HMGN1: variants seen among roughly 807,000 people sequenced by gnomAD.
HMGN1 encodes non-histone chromosomal protein HMG-14.
A neutral mutation model predicts 18.4 loss-of-function variants in HMGN1; 9 were observed. That is an observed-to-expected ratio of 0.49 (90% CI 0.29 to 0.85). HMGN1 has a LOEUF of 0.85. HMGN1 is among the 40% of genes least tolerant of loss of function. The pLI is 0.07. For synonymous variants in HMGN1, 59 were observed against 45.0 expected, an observed-to-expected ratio of 1.31 and a Z score of -1.24; for missense variants, 151 against 119.2, an observed-to-expected ratio of 1.27 and a Z score of -1.24.
intron 4 of HMGN1, chr21:39,345,645 G>A (rs1168468100): frequency 6.6e-5 from 26 of 396,328 alleles, no homozygotes; most frequent in South Asian, 1.6e-4. Flanking sequence ...CCTAAAGCCC[G>A]AGCTATATTT....
intron 4 of HMGN1, chr21:39,348,057 A>T: frequency 2.0e-6 from 2 of 1,019,642 alleles, no homozygotes; most frequent in Non-Finnish European, 2.7e-6. Flanking sequence ...TTAATATTTA[A>T]TATTTTTTGT....
At chr21:39,347,631 C>A in intron 4 of HMGN1, 1 of 353,796 alleles carries the variant, frequency 2.8e-6, no homozygotes, top group Non-Finnish European at 5.6e-6. Context: ...AAACACAAAG[C>A]TTATACTTGT....
In HMGN1 at chr21:39,348,365, G is replaced by A. The variant is rs763790967; in HGVS notation, c.79-26C>T. On this transcript the variant is annotated intron_variant, in intron 3 of 5. Transcript: ENST00000380749. ...CTGAAAGGCAAAAGCAGCACTGAGC[G>A]TCCTCACCCGGGACGACCCGCGGAA... 20 of 1,614,056 alleles carry A rather than the reference G, an allele frequency of 1.2e-5. No homozygotes were observed. In the East Asian group the frequency reaches 1.6e-4, roughly 13 times the overall value.
At position 39,342,802 on chromosome 21, in the gene HMGN1, T is replaced by C. The variant is rs1258441815; in HGVS notation, c.*310A>G. 23 of 1,350,006 alleles carry C rather than the reference T, an allele frequency of 1.7e-5. No individual in the cohort carries two copies. Among genetic ancestry groups the C allele is most frequent in the Non-Finnish European group, 1.6e-5 (16 of 1,024,650 alleles). 83.6% of individuals were successfully genotyped at this position (1,350,006 alleles called of 1,614,324 possible). ...TTGCCATTTAATATGCTTTGTATTA[T>C]AGGATATAAAAACTAACCCCCCATC... On this transcript the variant is annotated 3_prime_UTR_variant, in exon 6 of 6. Coordinates refer to ENST00000380749, the MANE Select transcript of HMGN1 (RefSeq NM_004965.7).
At chr21:39,343,742 T>C (rs1296556551) in intron 5 of HMGN1, among the ~76,000 whole-genome samples, 1 of 152,228 alleles carries the variant, frequency 6.6e-6, no homozygotes, top group African/African-American at 2.4e-5. Flanking sequence ...GATGAAAATG[T>C]TGTGATCAGA....
At chr21:39,347,115 CCAA>C (rs1331205224) in intron 4 of HMGN1, 1 of 166,124 alleles carries the variant, frequency 6.0e-6, no homozygotes, top group East Asian at 1.8e-4. Context: ...ACTGCTCACG[CCAA>C]CATTTTTAAC....
At chr21:39,345,735 C>CT in intron 4 of HMGN1, 1 of 844,582 alleles carries the variant, frequency 1.2e-6, no homozygotes, top group Non-Finnish European at 1.7e-6. Context: ...CCGGAGGAGT[C>CT]TCGTCGACCG....
chr21:39,348,231 G>A (rs559016356), intron 4 of HMGN1, 61 bp downstream of exon 4: 33 of 1,571,312 alleles, frequency 2.1e-5, no homozygotes, highest in Middle Eastern at 4.0e-4. Context: ...TGGAAGCCCC[G>A]CATTAAGAAG....
At chr21:39,348,702 C>T in intron 1 of HMGN1, 125 bp from the exon 2 acceptor site, 1 of 1,207,940 alleles carries the variant, frequency 8.3e-7, no homozygotes, top group East Asian at 2.9e-5. Context: ...TTCGAATAGC[C>T]CCCTCAGCTC....
At chr21:39,346,981 GAC>G in intron 4 of HMGN1, 1 of 152,356 alleles carries the variant, frequency 6.6e-6, no homozygotes. Context: ...TCTCAAGATG[GAC>G]AAAGATAAAT....
intron 4 of HMGN1, chr21:39,347,967 A>C: frequency 8.2e-7 from 1 of 1,221,636 alleles, no homozygotes; most frequent in Non-Finnish European, 1.0e-6. Context: ...TATTGTCAAA[A>C]AAGGAAGTAC....
At chr21:39,348,789 G>T in intron 1 of HMGN1, 114 bp downstream of exon 1, 1 of 1,078,098 alleles carries the variant, frequency 9.3e-7, no homozygotes, top group South Asian at 2.3e-5. Flanking sequence ...CGGTCTCCAA[G>T]CGCCTCCCGG....
chr21:39,348,132 T>C, intron 4 of HMGN1, 160 bp downstream of exon 4: 1 of 962,296 alleles, frequency 1.0e-6, no homozygotes, highest in Non-Finnish European at 1.5e-6. Context: ...CCAGGATGAA[T>C]ATATCCATTA....
chr21:39,345,759 C>A, intron 4 of HMGN1: 2 of 1,182,408 alleles, frequency 1.7e-6, no homozygotes, highest in South Asian at 2.5e-5. Flanking sequence ...TCCCACCCAT[C>A]CCCAAATTTG....
At chr21:39,348,690 C>T in intron 1 of HMGN1, 113 bp from the exon 2 acceptor site, 2 of 1,318,838 alleles carry the variant, frequency 1.5e-6, no homozygotes, top group Non-Finnish European at 1.0e-6. Flanking sequence ...CCCGCCGCCC[C>T]GTTCGAATAG....
Position 39,349,025 on chromosome 21 carries a change from G to T in HMGN1, c.-108C>A. 8.7e-7 allele frequency: 1 copy of T among 1,143,246 alleles called. No individual in the cohort carries two copies. The highest frequency in any genetic ancestry group is 1.1e-6 in the Non-Finnish European group (1 of 919,056). The allele number at this position is 1,143,246 out of a possible 1,614,324, so 70.8% of individuals were successfully genotyped here. On this transcript the variant is annotated 5_prime_UTR_variant, in exon 1 of 6. Transcript: ENST00000380749. ...CTTCGCGAAACTGGGCTGCCTTGCCGCTGCCACTCCTCCCGCCGCCCGAGC... is the reference window on the plus strand; with the variant it reads ...CTTCGCGAAACTGGGCTGCCTTGCCTCTGCCACTCCTCCCGCCGCCCGAGC...
At chr21:39,344,702 G>A (rs2036982045) in intron 5 of HMGN1, 1 of 154,172 alleles carries the variant, frequency 6.5e-6, no homozygotes, top group South Asian at 2.0e-4. Flanking sequence ...CTGTCTCTAA[G>A]AATAAAGATT....
rs1414169713 is a variant in HMGN1 at position 39,343,129 on chromosome 21, C to T, written c.286G>A (p.Glu96Lys). Reference protein sequence around the residue: ...SPASDEAGEKEAKSD With the variant: ...SPASDEAGEKKAKSD ...TATGGTTATTAATCAGACTTGGCTT[C>T]TTTCTCTCCTGCTTCATCAGAGGCT... Residue 96 changes from glutamate to lysine, a missense_variant, in exon 6 of 6, where the codon GAA (glutamate) becomes AAA (lysine). Physicochemically the swap from Glu to Lys is moderately conservative, Grantham distance 56. Transcript: ENST00000380749. 1.9e-6 allele frequency: 3 copies of T among 1,594,844 alleles called. No individual in the cohort carries two copies. Among genetic ancestry groups the T allele is most frequent in the East Asian group, 2.2e-5 (1 of 44,600 alleles).
At chr21:39,347,489 AGG>A in intron 4 of HMGN1, 4 of 1,256,172 alleles carry the variant, frequency 3.2e-6, no homozygotes, top group Non-Finnish European at 4.2e-6. Flanking sequence ...CTACACTTTT[AGG>A]AAAGAGGTGA....
Sources: gnomAD v4.1 joint callset for allele counts (sites outside exome capture counted in the v4.1 genomes callset) on GRCh38, gnomAD v4.1.1 for gene constraint, MANE v1.5 for transcripts, NCBI Gene and HGNC (gene_info 2026-07-23, HGNC 2026-07-21) for gene names.